The following STXBP3 variants were observed in gnomAD, a reference collection of about 807,000 sequenced individuals.
The protein encoded by STXBP3 is syntaxin binding protein 3.
A neutral mutation model predicts 85.7 loss-of-function variants in STXBP3; 41 were observed. That is an observed-to-expected ratio of 0.48 (90% confidence interval 0.37 to 0.62). The LOEUF (loss-of-function observed/expected upper bound fraction) is 0.62, where lower values mean the gene tolerates loss of function less well. Among genes scored for constraint, STXBP3 ranks in the 20% least tolerant of loss-of-function variants. The pLI is 0.00. For synonymous variants in STXBP3, 229 were observed against 231.7 expected (o/e 0.99, Z 0.10); for missense variants, 563 against 703.1 (o/e 0.80, Z 2.25).
chr1:108,749,594 A>G (rs1661860879), intron 1 of STXBP3, among the ~76,000 whole-genome samples: 1 of 152,096 alleles, frequency 6.6e-6, no homozygotes, highest in Admixed American at 6.6e-5. Context: ...TAGAGGAAAT[A>G]CCTCCTTAGT....
rs1195625005 is a variant in STXBP3, at chr1:108,771,736, CAT to C, written c.439-923_439-922del. Among the ~76,000 whole-genome samples, 2 of 13,942 alleles carry C rather than the reference CAT, an allele frequency of 1.4e-4. 1 individual carries two copies. Among genetic ancestry groups the C allele is most frequent in the Non-Finnish European group, 3.2e-4 (2 of 6,294 alleles). 9.1% of individuals were successfully genotyped at this position (13,942 alleles called of 152,430 possible). A position where few individuals can be genotyped will look rare whatever the true frequency, so the allele number is the denominator to read the frequency against. On this transcript the variant is annotated intron_variant, in intron 6 of 18. Transcript: ENST00000370008. ...ATATATGATATCTATCTATATATATCATATATAAATATATATGATATCTATCT... is the reference window on the plus strand; with the variant it reads ...ATATATGATATCTATCTATATATATCATATAAATATATATGATATCTATCT...
At chr1:108,778,552 C>T (rs909348412) in intron 8 of STXBP3, among the ~76,000 whole-genome samples, 2 of 152,162 alleles carry the variant, frequency 1.3e-5, no homozygotes, top group Non-Finnish European at 1.5e-5. Context: ...TTTCAGACCG[C>T]AATGCCCTCA....
rs1404925119 is a variant in STXBP3 at position 108,787,992 on chromosome 1, A to T, written c.963+5286A>T. ...TTTTTAATAGAGACAGAATTTCACC[A>T]TATTGCTCAGGCTGGTCTCGAACTC... On this transcript the variant is annotated intron_variant, in intron 11 of 18. Coordinates refer to ENST00000370008, the MANE Select transcript of STXBP3 (RefSeq NM_007269.4). Among the ~76,000 whole-genome samples the T allele has an allele frequency of 2.0e-5, 3 of 152,068 alleles. No homozygotes were observed. In the South Asian group the frequency reaches 6.2e-4, roughly 32 times the overall value.
intron 15 of STXBP3, 70 bp downstream of exon 15, chr1:108,796,796 T>G: frequency 6.9e-6 from 8 of 1,159,660 alleles, no homozygotes; most frequent in Non-Finnish European, 9.4e-6. Context: ...TTAACTGTTT[T>G]TTTTTTTTAT....
At chr1:108,807,335 A>G (rs1570778751) in intron 17 of STXBP3, 66 bp from the exon 18 acceptor site, 1 of 1,507,604 alleles carries the variant, frequency 6.6e-7, no homozygotes, top group Non-Finnish European at 8.9e-7. Context: ...TTTTAAGTCT[A>G]CAAGCATTAT....
chr1:108,784,159 A>T (rs1019485717), intron 11 of STXBP3, among the ~76,000 whole-genome samples: 7 of 152,136 alleles, frequency 4.6e-5, no homozygotes, highest in African/African-American at 1.7e-4. Context: ...GCTTACCCTG[A>T]GGTCATTAAT....
At chr1:108,772,990 C>G (rs1242669461) in intron 7 of STXBP3, among the ~76,000 whole-genome samples, 171 bp downstream of exon 7, 1 of 152,108 alleles carries the variant, frequency 6.6e-6, no homozygotes, top group Non-Finnish European at 1.5e-5. Context: ...TTCAGACTAG[C>G]AAATAGCTTC....
In STXBP3 at chr1:108,760,972, T is replaced by C. The variant is rs572402817; in HGVS notation, c.438+887T>C. Among the ~76,000 whole-genome samples, 3 of 152,262 alleles carry C rather than the reference T, an allele frequency of 2.0e-5. No individual in the cohort carries two copies. The East Asian group carries it at 5.8e-4, about 29-fold the overall frequency. On this transcript the variant is annotated intron_variant, in intron 6 of 18. Coordinates refer to ENST00000370008, the MANE Select transcript of STXBP3 (RefSeq NM_007269.4). ...AGGCTGGAGTGCAATGGCGCAATCT[T>C]GGCTCACTGCAACCTCCATCTCCCA...
rs1661942533 is a variant in STXBP3, at chr1:108,753,224, T to A, written c.181+80T>A. ...GGTATTAAATTTTAGTTAGTAGTTG[T>A]GTTTCTAAGGAGCTTATTTTTTTAA... On this transcript the variant is annotated intron_variant, in intron 3 of 18. Transcript: ENST00000370008. The A allele has an allele frequency of 9.1e-6, 9 of 983,942 alleles. No homozygotes were observed. In the South Asian group the frequency reaches 2.1e-4, roughly 23 times the overall value. 61.0% of individuals were successfully genotyped at this position (983,942 alleles called of 1,614,324 possible). A position where few individuals can be genotyped will look rare whatever the true frequency, so the allele number is the denominator to read the frequency against.
At position 108,752,259 on chromosome 1, in the gene STXBP3, A is replaced by G. The variant is rs769006166; in HGVS notation, c.52A>G (p.Ile18Val). 8.1e-6 allele frequency: 13 copies of G among 1,610,212 alleles called. No individual in the cohort carries two copies. In the South Asian group the frequency reaches 1.0e-4, roughly 12 times the overall value. Reference sequence around the variant, plus strand: ...TAATTCCTTTCTTTTTTAAACAGAGATAAAAGCAACAGTGTTTGATGACTG... The same window carrying G: ...TAATTCCTTTCTTTTTTAAACAGAGGTAAAAGCAACAGTGTTTGATGACTG... ...RGLKSVVWQK[I>V]KATVFDDCKK... is the part of the protein sequence containing the mutation. The change falls in exon 2 of 19, where the codon ATA (isoleucine) becomes GTA (valine). Residue 18 changes from isoleucine (I) to valine (V), a missense_variant and splice_region_variant. Coordinates refer to ENST00000370008, the MANE Select transcript of STXBP3 (RefSeq NM_007269.4).
chr1:108,768,511 T>C (rs1662316423), intron 6 of STXBP3, among the ~76,000 whole-genome samples: 1 of 152,110 alleles, frequency 6.6e-6, no homozygotes, highest in Non-Finnish European at 1.5e-5. Context: ...ATAATCTAGA[T>C]GTAAAGATAC....
rs1256312873 is a variant in STXBP3 at position 108,752,316 on chromosome 1, G to T, written c.99+10G>T. 1 of 1,609,986 alleles carries T rather than the reference G, an allele frequency of 6.2e-7. No individual in the cohort carries two copies. ...AGAAGGCGAATGGAAGGTAGAGTTT[G>T]CATACCTTGCTCTTATAAAAAATAA... On this transcript the variant is annotated intron_variant, in intron 2 of 18. Coordinates refer to ENST00000370008, the MANE Select transcript of STXBP3 (RefSeq NM_007269.4).
chr1:108,747,305 C>T (rs1272378496), intron 1 of STXBP3, among the ~76,000 whole-genome samples: 1 of 152,244 alleles, frequency 6.6e-6, no homozygotes, highest in African/African-American at 2.4e-5. Flanking sequence ...TTAACAGACT[C>T]ATCTTCCCCT....
chr1:108,748,948 A>G (rs1277023), intron 1 of STXBP3, among the ~76,000 whole-genome samples: 107,164 of 152,108 alleles, frequency 0.7, 38,750 homozygotes, highest in Non-Finnish European at 0.77. Context: ...ATTTTATTCT[A>G]TAAGCAAGAG....
At chr1:108,770,655 T>G (rs945136806) in intron 6 of STXBP3, among the ~76,000 whole-genome samples, 1 of 152,170 alleles carries the variant, frequency 6.6e-6, no homozygotes, top group Admixed American at 6.5e-5. Context: ...CCTATAATGT[T>G]TATTACTTGC....
chr1:108,764,245 A>G (rs1557802888), intron 6 of STXBP3, among the ~76,000 whole-genome samples: 1 of 152,114 alleles, frequency 6.6e-6, no homozygotes, highest in Non-Finnish European at 1.5e-5. Context: ...TTAGTATTCT[A>G]TGGTACATAT....
intron 4 of STXBP3, among the ~76,000 whole-genome samples, chr1:108,757,508 A>G (rs898080390): frequency 6.6e-6 from 1 of 152,000 alleles, no homozygotes; most frequent in Non-Finnish European, 1.5e-5. Context: ...TCCATAAGAG[A>G]AAAATTCATG....
rs1051959759 is a variant in STXBP3 at position 108,772,814 on chromosome 1, T to C, written c.588T>C (p.Tyr196=). The C allele has an allele frequency of 1.9e-6, 3 of 1,591,128 alleles. No individual in the cohort carries two copies. Among genetic ancestry groups the C allele is most frequent in the Non-Finnish European group, 2.6e-6 (3 of 1,167,120 alleles). The change falls in exon 7 of 19, where the codon TAT becomes TAC. Residue 196 remains tyrosine, a synonymous_variant. Coordinates refer to ENST00000370008, the MANE Select transcript of STXBP3 (RefSeq NM_007269.4). ...TGGATGAAAATCCCGGAGTAAGATA[T>C]AAAAGGTAAGACACTGAGCATCTGC... ...ATLDENPGVR[Y]KSKPLDNASK...
chr1:108,765,025 G>C (rs527504331), intron 6 of STXBP3, among the ~76,000 whole-genome samples: 281 of 152,284 alleles, frequency 1.8e-3, no homozygotes, highest in Non-Finnish European at 2.4e-3. Flanking sequence ...TTACCTTTAA[G>C]TCTTTAATCC....
Sources: allele counts gnomAD v4.1 joint callset (sites outside exome capture counted in the v4.1 genomes callset), GRCh38; gene constraint gnomAD v4.1.1; transcripts MANE v1.5; gene names NCBI Gene and HGNC (gene_info 2026-07-23, HGNC 2026-07-21).